MITF: variants seen among roughly 807,000 people sequenced by gnomAD.
MITF encodes the protein melanocyte inducing transcription factor.
MITF carries 17 observed loss-of-function variants against 60.5 expected under a neutral mutation model. The observed-to-expected ratio is 0.28, with a 90% confidence interval of 0.19 to 0.42. MITF has a LOEUF of 0.42. Ranked by LOEUF, MITF falls within the 10% of genes least tolerant of loss-of-function variation. The pLI, the probability that MITF is intolerant of heterozygous loss-of-function variation, is 1.00. For missense variants in MITF, 622 were observed against 683.5 expected (o/e 0.91, Z 1.00); for synonymous variants, 260 against 248.5 (o/e 1.05, Z -0.43).
chr3:69,806,502 G>A (rs990623928), intron 1 of MITF, among the ~76,000 whole-genome samples: 3 of 151,790 alleles, frequency 2.0e-5, no homozygotes, highest in African/African-American at 7.3e-5. Flanking sequence ...GAAGATAAAG[G>A]TCCTTTCCCC....
chr3:69,792,280 A>C (rs1300500768), intron 1 of MITF, among the ~76,000 whole-genome samples: 2 of 152,176 alleles, frequency 1.3e-5, no homozygotes, highest in African/African-American at 4.8e-5. Context: ...ATTTTATTTC[A>C]CTGCTTTTAT....
At chr3:69,921,066 C>T (rs2065456787) in intron 2 of MITF, among the ~76,000 whole-genome samples, 1 of 152,168 alleles carries the variant, frequency 6.6e-6, no homozygotes, top group African/African-American at 2.4e-5. Context: ...GACAGGGTTT[C>T]ACCATGTTGG....
At chr3:69,835,392 T>C (rs186254246) in intron 1 of MITF, among the ~76,000 whole-genome samples, 3 of 152,264 alleles carry the variant, frequency 2.0e-5, no homozygotes, top group Admixed American at 2.0e-4. Flanking sequence ...TTGTCAGATG[T>C]TTAGTTTGCA....
rs749645437 is a variant in MITF, at chr3:69,959,368, A to T, written c.1127A>T (p.Asn376Ile). Residue 376 changes from asparagine to isoleucine, a missense_variant, in exon 9 of 10, where the codon AAC (asparagine) becomes ATC (isoleucine). Transcript: ENST00000352241. ...REQQRAKELE[N>I]RQKKLEHANR... is the part of the protein sequence containing the mutation. ...CAGCAACGCGCAAAAGAACTTGAAA[A>T]CCGACAGAAGAAACTGGAGCACGCC... The T allele has an allele frequency of 4.3e-6, 7 of 1,613,828 alleles. No homozygotes were observed. The highest frequency in any genetic ancestry group is 5.9e-6 in the Non-Finnish European group (7 of 1,179,932).
At chr3:69,886,044 G>A (rs909772521) in intron 2 of MITF, among the ~76,000 whole-genome samples, 1 of 152,142 alleles carries the variant, frequency 6.6e-6, no homozygotes, top group Non-Finnish European at 1.5e-5. Context: ...CACCCAAGTA[G>A]GTGGTGCAGT....
chr3:69,876,203 A>G (rs1687944185), intron 1 of MITF, among the ~76,000 whole-genome samples: 1 of 152,158 alleles, frequency 6.6e-6, no homozygotes, highest in South Asian at 2.1e-4. Context: ...CTGTTAATTG[A>G]AAGGATTTCT....
chr3:69,763,987 T>C, intron 1 of MITF: 36 of 1,291,814 alleles, frequency 2.8e-5, no homozygotes, highest in Non-Finnish European at 3.7e-5. Context: ...CAGGTTCTTA[T>C]ATAGCATGTT....
intron 2 of MITF, among the ~76,000 whole-genome samples, chr3:69,917,057 G>T (rs1014876156): frequency 6.6e-6 from 1 of 152,164 alleles, no homozygotes; most frequent in African/African-American, 2.4e-5. Flanking sequence ...TCCAGTGCAT[G>T]ATGGGCAGCA....
chr3:69,748,910 G>C (rs1256404826), intron 1 of MITF, among the ~76,000 whole-genome samples: 1 of 152,236 alleles, frequency 6.6e-6, no homozygotes, highest in Non-Finnish European at 1.5e-5. Context: ...GTTTCACTTA[G>C]CCTGGTGGCT....
At chr3:69,804,253 C>A (rs1335027591) in intron 1 of MITF, among the ~76,000 whole-genome samples, 2 of 152,018 alleles carry the variant, frequency 1.3e-5, no homozygotes, top group Non-Finnish European at 2.9e-5. Flanking sequence ...TTTCTCTTCT[C>A]TTCTTCCCTC....
intron 2 of MITF, among the ~76,000 whole-genome samples, chr3:69,912,999 G>C (rs2065256763): frequency 6.6e-6 from 1 of 152,134 alleles, no homozygotes; most frequent in Non-Finnish European, 1.5e-5. Context: ...ACATTTGGTG[G>C]CTGCTTTTGA....
intron 1 of MITF, among the ~76,000 whole-genome samples, chr3:69,778,249 G>A (rs1337459544): frequency 1.3e-5 from 2 of 152,056 alleles, no homozygotes; most frequent in African/African-American, 2.4e-5. Context: ...AGATTGGGGA[G>A]GATGAATATT....
Position 69,841,730 on chromosome 3 carries a change from G to A in MITF, c.105-37404G>A, listed in dbSNP as rs138145343. ...AGTCAATTTGGCAGTACTTCTTTTCGTCTCTGAAAAGAAATCATATTTAAT... is the reference window on the plus strand; with the variant it reads ...AGTCAATTTGGCAGTACTTCTTTTCATCTCTGAAAAGAAATCATATTTAAT... On this transcript the variant is annotated intron_variant, in intron 1 of 9. Coordinates refer to ENST00000352241, the MANE Select transcript of MITF (RefSeq NM_001354604.2). 3.9e-3 allele frequency among the ~76,000 whole-genome samples: 587 copies of A among 152,138 alleles called. 4 individuals are homozygous for A. The highest frequency in any genetic ancestry group is 0.013 in the African/African-American group (542 of 41,514).
intron 1 of MITF, among the ~76,000 whole-genome samples, chr3:69,872,482 G>A (rs909289734): frequency 6.6e-6 from 1 of 152,102 alleles, no homozygotes; most frequent in African/African-American, 2.4e-5. Flanking sequence ...TATAAGTTAT[G>A]TACATGTGCA....
intron 8 of MITF, among the ~76,000 whole-genome samples, chr3:69,958,217 T>C (rs724794): frequency 0.052 from 7,945 of 152,298 alleles, 524 homozygotes; most frequent in African/African-American, 0.15. Context: ...TGCTGGCCTA[T>C]GTGAAGCATC....
chr3:69,888,873 G>C (rs374759054), intron 2 of MITF, among the ~76,000 whole-genome samples: 1 of 151,924 alleles, frequency 6.6e-6, no homozygotes. Context: ...GAAGAGAAAA[G>C]GGGAACAAAT....
At chr3:69,821,155 A>G (rs568555942) in intron 1 of MITF, among the ~76,000 whole-genome samples, 1 of 152,296 alleles carries the variant, frequency 6.6e-6, no homozygotes, top group South Asian at 2.1e-4. Context: ...TAATAATAGC[A>G]AGGAGTTCAT....
At chr3:69,744,400 C>T (rs1372220184) in intron 1 of MITF, among the ~76,000 whole-genome samples, 2 of 152,056 alleles carry the variant, frequency 1.3e-5, no homozygotes, top group East Asian at 3.9e-4. Flanking sequence ...GATGAAGAGC[C>T]TTGTTCTGCC....
intron 4 of MITF, among the ~76,000 whole-genome samples, chr3:69,939,576 A>T (rs895021118): frequency 6.6e-6 from 1 of 152,058 alleles, no homozygotes; most frequent in African/African-American, 2.4e-5. Flanking sequence ...CATGGAACAT[A>T]CATTTTGAAA....
Sources: gnomAD v4.1 joint callset for allele counts (sites outside exome capture counted in the v4.1 genomes callset) on GRCh38, gnomAD v4.1.1 for gene constraint, MANE v1.5 for transcripts, NCBI Gene and HGNC (gene_info 2026-07-23, HGNC 2026-07-21) for gene names.